SOX5: variants seen among roughly 807,000 people sequenced by gnomAD.
SOX5 encodes the protein SRY-box transcription factor 5, also known as transcription factor SOX-5.
Under a neutral mutation model 92.0 loss-of-function variants are expected in SOX5, and 9 were observed. The observed-to-expected ratio is 0.10, with a 90% confidence interval of 0.06 to 0.17. SOX5 has a LOEUF of 0.17. SOX5 is among the 10% of genes least tolerant of loss of function. The pLI, the probability that SOX5 is intolerant of heterozygous loss-of-function variation, is 1.00. For synonymous variants in SOX5, 344 were observed against 336.3 expected (o/e 1.02, Z -0.25); for missense variants, 642 against 944.5 (o/e 0.68, Z 4.20).
intron 1 of SOX5, among the ~76,000 whole-genome samples, chr12:24,505,848 T>TGCGCGCGC (rs1566334085): frequency 2.2e-4 from 31 of 141,088 alleles, no homozygotes; most frequent in African/African-American, 8.1e-4. Flanking sequence ...TGTGTGTGTG[T>TGCGCGCGC]GTGTGCGTGT....
chr12:23,649,585 T>G (rs1362893168), intron 7 of SOX5, among the ~76,000 whole-genome samples: 1 of 152,134 alleles, frequency 6.6e-6, no homozygotes, highest in Non-Finnish European at 1.5e-5. Flanking sequence ...AGACCAAGCA[T>G]GGAAATTCTA....
intron 4 of SOX5, among the ~76,000 whole-genome samples, chr12:24,200,649 A>G (rs1324948443): frequency 6.6e-6 from 1 of 152,208 alleles, no homozygotes; most frequent in Admixed American, 6.5e-5. Context: ...AAGAAGTACA[A>G]TATCTCTGGA....
intron 1 of SOX5, among the ~76,000 whole-genome samples, chr12:23,907,075 A>G (rs935568526): frequency 1.3e-5 from 2 of 152,186 alleles, no homozygotes; most frequent in Non-Finnish European, 2.9e-5. Flanking sequence ...TTGGTAGTGA[A>G]AAAGGAATTA....
At chr12:23,598,165 TA>T (rs1353130800) in intron 9 of SOX5, among the ~76,000 whole-genome samples, 2 of 152,170 alleles carry the variant, frequency 1.3e-5, no homozygotes, top group Non-Finnish European at 2.9e-5. Context: ...GTAAGTCAAA[TA>T]GTAGTATTCT....
chr12:24,311,357 G>C (rs1949160946), intron 2 of SOX5, among the ~76,000 whole-genome samples: 1 of 152,140 alleles, frequency 6.6e-6, no homozygotes, highest in Admixed American at 6.5e-5. Flanking sequence ...AAATAAATTT[G>C]TTATGTTTTT....
At chr12:24,303,344 A>G (rs573088318) in intron 2 of SOX5, among the ~76,000 whole-genome samples, 1 of 151,824 alleles carries the variant, frequency 6.6e-6, no homozygotes, top group Admixed American at 6.5e-5. Flanking sequence ...GGACAAAACA[A>G]GACGTTAGAC....
At chr12:23,825,166 C>T (rs368664095) in intron 3 of SOX5, among the ~76,000 whole-genome samples, 2 of 152,318 alleles carry the variant, frequency 1.3e-5, no homozygotes, top group African/African-American at 4.8e-5. Context: ...TAGCTCAGTG[C>T]CTGCCCAAAC....
At chr12:23,929,248 A>G (rs1940825656) in intron 1 of SOX5, among the ~76,000 whole-genome samples, 1 of 151,990 alleles carries the variant, frequency 6.6e-6, no homozygotes, top group Non-Finnish European at 1.5e-5. Flanking sequence ...ATAAACTCTG[A>G]AAGTATGTTA....
At chr12:24,049,975 A>G (rs753038686) in intron 4 of SOX5, among the ~76,000 whole-genome samples, 21 of 151,410 alleles carry the variant, frequency 1.4e-4, no homozygotes, top group Non-Finnish European at 2.8e-4. Context: ...CTGGATAACT[A>G]AGGAGATCAC....
intron 1 of SOX5, among the ~76,000 whole-genome samples, chr12:23,898,380 T>C (rs952545058): frequency 6.6e-6 from 1 of 152,128 alleles, no homozygotes; most frequent in Non-Finnish European, 1.5e-5. Context: ...TCTCAATGTC[T>C]AAAAACTCTA....
intron 4 of SOX5, among the ~76,000 whole-genome samples, chr12:24,065,562 G>A (rs541043449): frequency 5.0e-4 from 74 of 147,368 alleles, no homozygotes; most frequent in African/African-American, 1.5e-3. Context: ...CAAGAGAATC[G>A]CTTGAACCCG....
intron 1 of SOX5, among the ~76,000 whole-genome samples, chr12:24,388,282 C>A (rs2136450840): frequency 6.6e-6 from 1 of 152,264 alleles, no homozygotes; most frequent in Non-Finnish European, 1.5e-5. Flanking sequence ...CGACCCTTTG[C>A]CCAGCTTGGT....
intron 6 of SOX5, among the ~76,000 whole-genome samples, chr12:23,705,684 G>C (rs1220395447): frequency 6.6e-6 from 1 of 152,032 alleles, no homozygotes; most frequent in Non-Finnish European, 1.5e-5. Context: ...CTGTGGCTCA[G>C]TGACAGTGAA....
chr12:24,489,422 C>A (rs1175206989), intron 1 of SOX5, among the ~76,000 whole-genome samples: 1 of 152,036 alleles, frequency 6.6e-6, no homozygotes, highest in Non-Finnish European at 1.5e-5. Context: ...CCCTGGGGGT[C>A]TAAGTGGACT....
chr12:23,657,065 G>A (rs2082395731), intron 7 of SOX5, among the ~76,000 whole-genome samples: 1 of 152,034 alleles, frequency 6.6e-6, no homozygotes, highest in Admixed American at 6.6e-5. Flanking sequence ...AATTATTAGG[G>A]AAATAGTACT....
intron 6 of SOX5, among the ~76,000 whole-genome samples, chr12:23,689,075 G>T (rs1217140910): frequency 2.6e-5 from 4 of 152,056 alleles, no homozygotes; most frequent in Non-Finnish European, 5.9e-5. Context: ...TACTGAAATA[G>T]CTCTTTCACA....
At chr12:24,500,652 A>G (rs1175171042) in intron 1 of SOX5, among the ~76,000 whole-genome samples, 1 of 152,154 alleles carries the variant, frequency 6.6e-6, no homozygotes, top group Admixed American at 6.5e-5. Flanking sequence ...CTTTCCCAAC[A>G]TTGAAGAATA....
At chr12:24,335,913 T>C (rs975375585) in intron 2 of SOX5, among the ~76,000 whole-genome samples, 2 of 136,406 alleles carry the variant, frequency 1.5e-5, no homozygotes, top group African/African-American at 5.4e-5. Flanking sequence ...GGCTCAGGAA[T>C]TGGAATATTT....
At chr12:23,921,379 CT>C (rs1302511350) in intron 1 of SOX5, among the ~76,000 whole-genome samples, 2 of 146,788 alleles carry the variant, frequency 1.4e-5, no homozygotes, top group Non-Finnish European at 3.0e-5. Flanking sequence ...TTGATATGAT[CT>C]TTAAAAAAAA....
Sources: allele counts gnomAD v4.1 joint callset (sites outside exome capture counted in the v4.1 genomes callset), GRCh38; gene constraint gnomAD v4.1.1; transcripts MANE v1.5; gene names NCBI Gene and HGNC (gene_info 2026-07-23, HGNC 2026-07-21).